ESRRB: variants seen among roughly 807,000 people sequenced by gnomAD.
ESRRB encodes the protein steroid hormone receptor ERR2.
Under a neutral mutation model 46.0 loss-of-function variants are expected in ESRRB, and 16 were observed. The ratio of observed to expected loss-of-function variants is 0.35; its 90% CI spans 0.24 to 0.53. The LOEUF is 0.53. Among genes scored for constraint, ESRRB ranks in the 20% least tolerant of loss-of-function variants. The pLI is 0.93. For missense variants in ESRRB, 488 were observed against 607.4 expected, an observed-to-expected ratio of 0.80 and a Z score of 2.07; for synonymous variants, 246 against 259.6, an observed-to-expected ratio of 0.95 and a Z score of 0.50.
At position 76,498,509 on chromosome 14, in the gene ESRRB, C is replaced by G; in HGVS notation, c.*51C>G. The stretch of plus-strand genomic sequence containing the variant: ...ACCTACAGACAGACAAACGGACAGA[C>G]CGAGGTGGAGACCTCCACAGCCACC... On this transcript the variant is annotated 3_prime_UTR_variant, in exon 7 of 7. Coordinates refer to ENST00000644823, the MANE Select transcript of ESRRB (RefSeq NM_001379180.1). The G allele has an allele frequency of 6.2e-7, 1 of 1,612,434 alleles. No individual in the cohort carries two copies. Among genetic ancestry groups the G allele is most frequent in the Non-Finnish European group, 8.5e-7 (1 of 1,179,920 alleles).
chr14:76,361,557 A>T (rs1007003061), intron 1 of ESRRB, among the ~76,000 whole-genome samples: 1 of 152,204 alleles, frequency 6.6e-6, no homozygotes, highest in Non-Finnish European at 1.5e-5. Flanking sequence ...AAAAATGTGT[A>T]GGAGAAGGGA....
intron 2 of ESRRB, 30 bp downstream of exon 2, chr14:76,439,780 G>T: frequency 6.2e-7 from 1 of 1,609,106 alleles, no homozygotes; most frequent in East Asian, 2.2e-5. Context: ...GAGCCTGGGC[G>T]CAGGGTTGGG....
intron 1 of ESRRB, among the ~76,000 whole-genome samples, chr14:76,386,477 G>A (rs1202307622): frequency 2.6e-5 from 3 of 113,836 alleles, no homozygotes; most frequent in South Asian, 2.8e-4. Flanking sequence ...TTTTTTTTGC[G>A]ACAGAGTCTC....
intron 1 of ESRRB, among the ~76,000 whole-genome samples, chr14:76,424,735 T>TTTTG (rs60502690): frequency 0.055 from 8,283 of 151,950 alleles, 698 homozygotes; most frequent in African/African-American, 0.19. Flanking sequence ...TAATGCTCTT[T>TTTTG]TTTGTTTGTT....
Position 76,439,550 on chromosome 14 carries a change from G to A in ESRRB, c.260G>A (p.Gly87Glu), listed in dbSNP as rs1887826180. The change falls in exon 2 of 7, where the codon GGG (glycine) becomes GAG (glutamate). Residue 87 changes from glycine to glutamate, a missense_variant. By Grantham distance (98) the Gly-to-Glu change is moderately conservative. Coordinates refer to ENST00000644823, the MANE Select transcript of ESRRB (RefSeq NM_001379180.1). Reference protein sequence around the residue: ...LDSPPMFAGAGLGGTPCRKSY... With the variant: ...LDSPPMFAGAELGGTPCRKSY... ...TCGCCACCCATGTTTGCAGGCGCCGGGCTGGGAGGCACCCCATGCCGCAAG... is the reference window on the plus strand; with the variant it reads ...TCGCCACCCATGTTTGCAGGCGCCGAGCTGGGAGGCACCCCATGCCGCAAG... 6.2e-7 allele frequency: 1 copy of A among 1,613,950 alleles called. No individual in the cohort carries two copies.
chr14:76,424,320 C>T (rs779253428), intron 1 of ESRRB, among the ~76,000 whole-genome samples: 5 of 152,150 alleles, frequency 3.3e-5, no homozygotes, highest in Non-Finnish European at 7.4e-5. Context: ...CCAGGCTGCC[C>T]ATTTGCACAA....
chr14:76,470,170 G>T (rs778341943), intron 3 of ESRRB, among the ~76,000 whole-genome samples: 12 of 151,858 alleles, frequency 7.9e-5, no homozygotes, highest in Non-Finnish European at 1.5e-4. Flanking sequence ...GGCTAGTCTT[G>T]AACTCCTGAC....
chr14:76,341,032 C>T (rs1884185847), intron 1 of ESRRB, among the ~76,000 whole-genome samples: 1 of 152,130 alleles, frequency 6.6e-6, no homozygotes, highest in Non-Finnish European at 1.5e-5. Flanking sequence ...TGCCCCTGCA[C>T]CCAAGTAGCT....
intron 1 of ESRRB, among the ~76,000 whole-genome samples, chr14:76,327,313 C>T (rs1183608042): frequency 1.3e-5 from 2 of 152,194 alleles, no homozygotes; most frequent in Non-Finnish European, 2.9e-5. Flanking sequence ...TCTGACACGC[C>T]TGGAAACTCC....
chr14:76,320,242 T>C (rs1043055246), intron 1 of ESRRB, among the ~76,000 whole-genome samples: 2 of 152,232 alleles, frequency 1.3e-5, no homozygotes, highest in Admixed American at 6.5e-5. Flanking sequence ...TAGGACACTA[T>C]CTCAGAGGCT....
At chr14:76,319,430 G>A (rs1202392341) in intron 1 of ESRRB, among the ~76,000 whole-genome samples, 1 of 152,172 alleles carries the variant, frequency 6.6e-6, no homozygotes, top group Non-Finnish European at 1.5e-5. Flanking sequence ...TGACCAGCCT[G>A]GGTGTTTGTG....
chr14:76,329,620 T>C (rs1883978142), intron 1 of ESRRB, among the ~76,000 whole-genome samples: 1 of 152,032 alleles, frequency 6.6e-6, no homozygotes, highest in Non-Finnish European at 1.5e-5. Context: ...GAGGTGCCCA[T>C]GTAGCGCGGG....
chr14:76,365,505 A>G (rs1183829390), intron 1 of ESRRB, among the ~76,000 whole-genome samples: 1 of 151,712 alleles, frequency 6.6e-6, no homozygotes, highest in East Asian at 1.9e-4. Context: ...ACAAACAAAC[A>G]AGCCCCCCAC....
intron 1 of ESRRB, among the ~76,000 whole-genome samples, chr14:76,390,776 G>A (rs1156598850): frequency 6.6e-6 from 1 of 152,186 alleles, no homozygotes; most frequent in East Asian, 1.9e-4. Flanking sequence ...TTTTCCAAGG[G>A]GAAAGGCGCT....
At chr14:76,367,583 G>A (rs966425947), upstream of ESRRB, among the ~76,000 whole-genome samples, 16 of 151,590 alleles carry the variant, frequency 1.1e-4, no homozygotes, top group African/African-American at 3.4e-4. Context: ...ATCACGCCAC[G>A]AAGCAGTACA....
intron 1 of ESRRB, chr14:76,407,515 CT>C: frequency 1.6e-5 from 16 of 985,038 alleles, no homozygotes; most frequent in Non-Finnish European, 1.9e-5. Flanking sequence ...TGCGATCTTA[CT>C]CTAGCTTTCC....
In ESRRB at chr14:76,499,158, G is replaced by A; in HGVS notation, c.*700G>A. 1 of 311,276 alleles carries A rather than the reference G, an allele frequency of 3.2e-6. No individual in the cohort carries two copies. The highest frequency in any genetic ancestry group is 6.3e-6 in the Non-Finnish European group (1 of 159,918). 19.3% of individuals were successfully genotyped at this position (311,276 alleles called of 1,614,324 possible). ...CCTCCTCCTCTTCTCCTCCCCCCGG[G>A]AGTCCCCCGCTACTTCCTGACCCTA... On this transcript the variant is annotated 3_prime_UTR_variant, in exon 7 of 7. Transcript: ENST00000644823.
chr14:76,330,520 A>T (rs894722450), intron 1 of ESRRB, among the ~76,000 whole-genome samples: 2 of 152,018 alleles, frequency 1.3e-5, no homozygotes, highest in South Asian at 2.1e-4. Flanking sequence ...TTGCCCCCGC[A>T]CTCTGTCCTG....
intron 1 of ESRRB, among the ~76,000 whole-genome samples, chr14:76,425,787 C>T (rs763488918): frequency 5.3e-5 from 8 of 152,146 alleles, no homozygotes; most frequent in East Asian, 1.9e-4. Flanking sequence ...CTGCAACCTC[C>T]GCCTCAGCTC....
Sources: allele counts gnomAD v4.1 joint callset (sites outside exome capture counted in the v4.1 genomes callset), GRCh38; gene constraint gnomAD v4.1.1; transcripts MANE v1.5; gene names NCBI Gene and HGNC (gene_info 2026-07-23, HGNC 2026-07-21).